Variants in GRXCR1 observed in about 807,000 individuals in gnomAD.
GRXCR1 encodes glutaredoxin domain-containing cysteine-rich protein 1.
GRXCR1 carries 27 observed loss-of-function variants against 27.3 expected under a neutral mutation model. That is an observed-to-expected ratio of 0.99 (90% CI 0.73 to 1.37). The LOEUF (loss-of-function observed/expected upper bound fraction) is 1.37. Ranked by LOEUF, GRXCR1 falls within the 40% of genes most tolerant of loss-of-function variation. The probability of loss-of-function intolerance (pLI) is 0.00; values close to 1 mark genes in which losing one functional copy is unlikely to be tolerated. For missense variants in GRXCR1, 379 were observed against 354.4 expected, an observed-to-expected ratio of 1.07 and a Z score of -0.56; for synonymous variants, 122 against 131.1, an observed-to-expected ratio of 0.93 and a Z score of 0.47.
At position 43,024,225 on chromosome 4, in the gene GRXCR1, T is replaced by C. The variant is rs528071714; in HGVS notation, c.693+3806T>C. 3.2e-4 allele frequency among the ~76,000 whole-genome samples: 27 copies of C among 83,468 alleles called. 2 individuals are homozygous for C. The South Asian group carries it at 9.1e-3, about 28-fold the overall frequency. The allele number at this position is 83,468 out of a possible 152,430, so 54.8% of individuals were successfully genotyped here. A position where few individuals can be genotyped will look rare whatever the true frequency, so the allele number is the denominator to read the frequency against. On this transcript the variant is annotated intron_variant, in intron 3 of 3. Transcript: ENST00000399770. ...TTTTTTTTTTTTTTGGTAAAGCTTA[T>C]AAAAATTACTTAATCTGATTCTCCC...
At chr4:42,902,794 C>T (rs1746490547) in intron 1 of GRXCR1, among the ~76,000 whole-genome samples, 1 of 152,102 alleles carries the variant, frequency 6.6e-6, no homozygotes, top group Admixed American at 6.5e-5. Flanking sequence ...ACATAATTAC[C>T]TATGCAGCAA....
chr4:42,902,479 C>T lies in GRXCR1; in HGVS notation c.384+8829C>T, dbSNP rs191268805. ...GTGATCTCAGTTATTTCGATGGCTG[C>T]ATAGTATTCCATGGTGTATATGTAC... is the stretch of plus-strand genomic sequence containing the variant. On this transcript the variant is annotated intron_variant, in intron 1 of 3. Coordinates refer to ENST00000399770, the MANE Select transcript of GRXCR1 (RefSeq NM_001080476.3). Among the ~76,000 whole-genome samples, 7 of 152,268 alleles carry T rather than the reference C, an allele frequency of 4.6e-5. No homozygotes were observed. In the East Asian group the frequency reaches 1.4e-3, roughly 29 times the overall value.
At chr4:43,021,412 T>C (rs1256541731) in intron 3 of GRXCR1, among the ~76,000 whole-genome samples, 1 of 152,182 alleles carries the variant, frequency 6.6e-6, no homozygotes, top group East Asian at 1.9e-4. Flanking sequence ...TTTTTTGTAT[T>C]ACCTTTCTTT....
At chr4:42,927,370 T>C (rs1404402854) in intron 1 of GRXCR1, among the ~76,000 whole-genome samples, 1 of 152,034 alleles carries the variant, frequency 6.6e-6, no homozygotes. Flanking sequence ...GGAGAGAGCA[T>C]GCTTACGCCC....
chr4:43,025,090 A>G (rs1713210662), intron 3 of GRXCR1, among the ~76,000 whole-genome samples: 1 of 152,146 alleles, frequency 6.6e-6, no homozygotes, highest in Non-Finnish European at 1.5e-5. Context: ...TCTATATTGC[A>G]TAACTGGGGG....
At chr4:43,026,262 C>G (rs1713256045) in intron 3 of GRXCR1, among the ~76,000 whole-genome samples, 1 of 152,112 alleles carries the variant, frequency 6.6e-6, no homozygotes, top group African/African-American at 2.4e-5. Flanking sequence ...CCAATATAAC[C>G]CAACTGGGTT....
chr4:42,962,853 A>G, intron 1 of GRXCR1, 39 bp from the exon 2 acceptor site: 2 of 1,610,458 alleles, frequency 1.2e-6, no homozygotes, highest in East Asian at 4.5e-5. Context: ...ACAAGAAAGT[A>G]AAAGCAAACA....
chr4:42,920,906 A>G (rs932167999), intron 1 of GRXCR1, among the ~76,000 whole-genome samples: 3 of 140,896 alleles, frequency 2.1e-5, no homozygotes, highest in African/African-American at 8.4e-5. Context: ...CTACTTTGCT[A>G]TGCGGCTATC....
chr4:42,975,106 A>G (rs1748482750), intron 2 of GRXCR1, among the ~76,000 whole-genome samples: 1 of 152,130 alleles, frequency 6.6e-6, no homozygotes, highest in East Asian at 1.9e-4. Flanking sequence ...AACCATTTAA[A>G]TTTTCCAAGA....
chr4:43,011,317 C>T lies in GRXCR1; in HGVS notation c.628-9037C>T, dbSNP rs537635005. Reference sequence around the variant, plus strand: ...GACTGAATCACACAAGGGCCTTTGCCCTTTGACTTCTAGTTGGATTTGGTC... The same window carrying T: ...GACTGAATCACACAAGGGCCTTTGCTCTTTGACTTCTAGTTGGATTTGGTC... On this transcript the variant is annotated intron_variant, in intron 2 of 3. Coordinates refer to ENST00000399770, the MANE Select transcript of GRXCR1 (RefSeq NM_001080476.3). 7.9e-5 allele frequency among the ~76,000 whole-genome samples: 12 copies of T among 152,256 alleles called. No individual in the cohort carries two copies. The East Asian group carries it at 1.9e-3, about 24-fold the overall frequency.
intron 1 of GRXCR1, among the ~76,000 whole-genome samples, chr4:42,895,199 CTA>C (rs1021448334): frequency 7.2e-5 from 11 of 152,074 alleles, no homozygotes; most frequent in Admixed American, 3.9e-4. Flanking sequence ...AATTTTAACA[CTA>C]GATTAGTTTA....
intron 1 of GRXCR1, among the ~76,000 whole-genome samples, chr4:42,933,985 C>T (rs1198552403): frequency 1.3e-5 from 2 of 151,848 alleles, no homozygotes; most frequent in African/African-American, 2.4e-5. Flanking sequence ...AGGGGAGATG[C>T]AGGCAGAACC....
chr4:42,960,950 G>A (rs1416246485), intron 1 of GRXCR1, among the ~76,000 whole-genome samples: 2 of 151,756 alleles, frequency 1.3e-5, no homozygotes, highest in African/African-American at 4.8e-5. Context: ...CCATCACCTA[G>A]GTATTAAGCC....
intron 2 of GRXCR1, among the ~76,000 whole-genome samples, chr4:42,977,992 C>A (rs1560672345): frequency 6.6e-6 from 1 of 151,892 alleles, no homozygotes; most frequent in Admixed American, 6.6e-5. Flanking sequence ...TGGTGTATGA[C>A]AAGGGTTTAA....
intron 1 of GRXCR1, among the ~76,000 whole-genome samples, chr4:42,929,716 A>T (rs1471082918): frequency 6.6e-6 from 1 of 151,910 alleles, no homozygotes; most frequent in Non-Finnish European, 1.5e-5. Flanking sequence ...TGTAGTATTC[A>T]AATAGAATGA....
chr4:42,930,808 A>G (rs1195871321), intron 1 of GRXCR1, among the ~76,000 whole-genome samples: 1 of 152,006 alleles, frequency 6.6e-6, no homozygotes, highest in Non-Finnish European at 1.5e-5. Context: ...TGGCACATAG[A>G]AAAGCACTCA....
chr4:42,976,868 A>G (rs1488369588), intron 2 of GRXCR1, among the ~76,000 whole-genome samples: 1 of 152,008 alleles, frequency 6.6e-6, no homozygotes, highest in Non-Finnish European at 1.5e-5. Flanking sequence ...ACGTATTGTT[A>G]TTAACTCTAG....
At chr4:42,994,358 A>T (rs1266115182) in intron 2 of GRXCR1, among the ~76,000 whole-genome samples, 1 of 152,164 alleles carries the variant, frequency 6.6e-6, no homozygotes, top group Non-Finnish European at 1.5e-5. Flanking sequence ...TTATTTTACC[A>T]CAGAGTGCAA....
chr4:43,030,600 T>G lies in GRXCR1; in HGVS notation c.*60T>G. 1 of 1,280,596 alleles carries G rather than the reference T, an allele frequency of 7.8e-7. No individual in the cohort carries two copies. Among genetic ancestry groups the G allele is most frequent in the Middle Eastern group, 2.0e-4 (1 of 5,034 alleles). The allele number at this position is 1,280,596 out of a possible 1,614,324, so 79.3% of individuals were successfully genotyped here. On this transcript the variant is annotated 3_prime_UTR_variant, in exon 4 of 4. Transcript: ENST00000399770. ...TAATCAAAGGCAATACTTTGGTTTA[T>G]ATATATATTTTTAAATGGTTATGTT...
Sources: allele counts gnomAD v4.1 joint callset (sites outside exome capture counted in the v4.1 genomes callset), GRCh38; gene constraint gnomAD v4.1.1; transcripts MANE v1.5; gene names NCBI Gene and HGNC (gene_info 2026-07-23, HGNC 2026-07-21).